Variants in ADARB2 observed in about 807,000 individuals in gnomAD.
The protein encoded by ADARB2 is inactive double-stranded RNA-specific editase B2.
ADARB2 carries 25 observed loss-of-function variants against 62.2 expected under a neutral mutation model. The observed-to-expected ratio is 0.40, with a 90% CI of 0.29 to 0.56. The LOEUF (loss-of-function observed/expected upper bound fraction) is 0.56, where lower values mean the gene tolerates loss of function less well. ADARB2 is among the 20% of genes least tolerant of loss of function. The pLI, the probability that ADARB2 is intolerant of heterozygous loss-of-function variation, is 0.43. For missense variants in ADARB2, 1,071 were observed against 1,077.4 expected (o/e 0.99, Z 0.08); for synonymous variants, 572 against 500.8 (o/e 1.14, Z -1.90).
Position 1,180,378 on chromosome 10 carries a change from GC to G in ADARB2, c.*2814del, listed in dbSNP as rs1484370825. ...GGGGCTGTGGGAATCCTGGGACTCG[GC>G]CCCCCCAAGCATAGCTGGGGCTGTG... On this transcript the variant is annotated 3_prime_UTR_variant, in exon 10 of 10. Coordinates refer to ENST00000381312, the MANE Select transcript of ADARB2 (RefSeq NM_018702.4). 2 of 151,692 alleles carry G rather than the reference GC, an allele frequency of 1.3e-5. No individual in the cohort carries two copies. The highest frequency in any genetic ancestry group is 2.4e-5 in the African/African-American group (1 of 41,230). The allele number at this position is 151,692 out of a possible 1,614,324, so 9.4% of individuals were successfully genotyped here.
At position 1,275,951 on chromosome 10, in the gene ADARB2, G is replaced by A. The variant is rs11250380; in HGVS notation, c.1078-4882C>T. ...TTCCAAGTCTTCGCTATTGTGAATA[G>A]TGCCGCAATAAACATACGTGTGCAT... On this transcript the variant is annotated intron_variant, in intron 3 of 9. Transcript: ENST00000381312. Among the ~76,000 whole-genome samples, 178 of 152,138 alleles carry A rather than the reference G, an allele frequency of 1.2e-3. 2 individuals are homozygous for A. The East Asian group carries it at 0.027, about 23-fold the overall frequency.
chr10:1,657,127 T>C (rs978159916), intron 1 of ADARB2, among the ~76,000 whole-genome samples: 2 of 152,084 alleles, frequency 1.3e-5, no homozygotes, highest in African/African-American at 2.4e-5. Flanking sequence ...ATAGAAAGCA[T>C]GCAGCCTTGT....
rs182650258 is a variant in ADARB2 at position 1,476,739 on chromosome 10, C to T, written c.101-97579G>A. On this transcript the variant is annotated intron_variant, in intron 1 of 9. Transcript: ENST00000381312. ...GGTGGATTTGCCAAGTGCCAGGCAC[C>T]GCCATGCATCCAGGGAGGCAGAGGC... Among the ~76,000 whole-genome samples, 201 of 152,286 alleles carry T rather than the reference C, an allele frequency of 1.3e-3. 2 individuals are homozygous for T. Among genetic ancestry groups the T allele is most frequent in the Middle Eastern group, 0.01 (3 of 294 alleles).
At chr10:1,579,089 C>T (rs1261144828) in intron 1 of ADARB2, among the ~76,000 whole-genome samples, 1 of 152,196 alleles carries the variant, frequency 6.6e-6, no homozygotes, top group African/African-American at 2.4e-5. Flanking sequence ...CCTCAGTTTA[C>T]CCTGCCTTCC....
At chr10:1,430,573 G>A (rs1025110847) in intron 1 of ADARB2, among the ~76,000 whole-genome samples, 2 of 152,096 alleles carry the variant, frequency 1.3e-5, no homozygotes, top group African/African-American at 4.8e-5. Context: ...TACTGTATAA[G>A]TAGTAATTAA....
chr10:1,241,741 G>A (rs79344096), intron 5 of ADARB2, among the ~76,000 whole-genome samples: 18 of 152,324 alleles, frequency 1.2e-4, no homozygotes, highest in Middle Eastern at 3.4e-3. Context: ...AGAAGACAGC[G>A]CGTCTCCAAG....
Position 1,268,853 on chromosome 10 carries a change from A to C in ADARB2, c.1192+2102T>G, listed in dbSNP as rs975410091. Reference sequence around the variant, plus strand: ...ATATAGATAAATTGCCTACACATAAAGCATTGTATTCACTGGCAACTTAGA... The same window carrying C: ...ATATAGATAAATTGCCTACACATAACGCATTGTATTCACTGGCAACTTAGA... On this transcript the variant is annotated intron_variant, in intron 4 of 9. Transcript: ENST00000381312. 2.5e-4 allele frequency among the ~76,000 whole-genome samples: 38 copies of C among 152,346 alleles called. 1 individual carries two copies. Among genetic ancestry groups the C allele is most frequent in the African/African-American group, 8.7e-4 (36 of 41,576 alleles).
chr10:1,427,396 C>T (rs1832901306), intron 1 of ADARB2, among the ~76,000 whole-genome samples: 1 of 152,148 alleles, frequency 6.6e-6, no homozygotes, highest in Non-Finnish European at 1.5e-5. Flanking sequence ...TCGGCAATAC[C>T]ATTAGAAACG....
At chr10:1,496,636 T>A (rs2131935430) in intron 1 of ADARB2, among the ~76,000 whole-genome samples, 1 of 152,152 alleles carries the variant, frequency 6.6e-6, no homozygotes, top group African/African-American at 2.4e-5. Context: ...ATCATCATCA[T>A]CATCGTATGG....
At chr10:1,400,675 C>G (rs1031805337) in intron 1 of ADARB2, among the ~76,000 whole-genome samples, 4 of 152,230 alleles carry the variant, frequency 2.6e-5, no homozygotes, top group African/African-American at 9.6e-5. Context: ...CAACGCAGTG[C>G]TCCATGGCAC....
chr10:1,263,592 A>T (rs1455906175), intron 4 of ADARB2, among the ~76,000 whole-genome samples: 1 of 152,262 alleles, frequency 6.6e-6, no homozygotes, highest in Non-Finnish European at 1.5e-5. Flanking sequence ...CAGAAAAGTG[A>T]AGAAGTGTTT....
At chr10:1,360,665 C>T (rs975186834) in intron 3 of ADARB2, among the ~76,000 whole-genome samples, 2 of 152,260 alleles carry the variant, frequency 1.3e-5, no homozygotes, top group African/African-American at 2.4e-5. Context: ...GGGAGCGGTA[C>T]GAGGGAGGGT....
chr10:1,219,896 A>G lies in ADARB2; in HGVS notation c.1514-2777T>C, dbSNP rs1379863523. Reference sequence around the variant, plus strand: ...TGGTGGTGATGATGGTGATGGTGATAATGATGGTAATGGTGGTGGCGATGA... The same window carrying G: ...TGGTGGTGATGATGGTGATGGTGATGATGATGGTAATGGTGGTGGCGATGA... On this transcript the variant is annotated intron_variant, in intron 6 of 9. Coordinates refer to ENST00000381312, the MANE Select transcript of ADARB2 (RefSeq NM_018702.4). 4.7e-3 allele frequency among the ~76,000 whole-genome samples: 355 copies of G among 75,960 alleles called. 2 individuals are homozygous for G. The highest frequency in any genetic ancestry group is 0.033 in the South Asian group (58 of 1,740). 49.8% of individuals were successfully genotyped at this position (75,960 alleles called of 152,430 possible).
intron 1 of ADARB2, among the ~76,000 whole-genome samples, chr10:1,482,079 C>T (rs1831480426): frequency 6.6e-6 from 1 of 152,172 alleles, no homozygotes; most frequent in African/African-American, 2.4e-5. Flanking sequence ...ATTACTAAAA[C>T]ACACCACAGG....
chr10:1,558,291 C>CTT, intron 1 of ADARB2, among the ~76,000 whole-genome samples: 1 of 138,188 alleles, frequency 7.2e-6, no homozygotes, highest in Non-Finnish European at 1.6e-5. Flanking sequence ...TCTGTCCCCC[C>CTT]TCCGTGGGTG....
chr10:1,395,184 A>AT (rs1427790825), intron 1 of ADARB2, among the ~76,000 whole-genome samples: 11 of 152,116 alleles, frequency 7.2e-5, no homozygotes, highest in African/African-American at 2.7e-4. Flanking sequence ...CCTGGCCAAG[A>AT]TTTTTTATTC....
intron 1 of ADARB2, among the ~76,000 whole-genome samples, chr10:1,510,016 CTTT>C (rs1831901682): frequency 1.3e-5 from 2 of 149,836 alleles, no homozygotes; most frequent in Non-Finnish European, 3.0e-5. Context: ...TTTCTTTCTT[CTTT>C]CTTTTTTCTC....
At chr10:1,233,034 AC>A (rs1173501802) in intron 6 of ADARB2, among the ~76,000 whole-genome samples, 5 of 152,066 alleles carry the variant, frequency 3.3e-5, no homozygotes, top group African/African-American at 9.7e-5. Flanking sequence ...TCCCTGAAGC[AC>A]CTTTTCTTTT....
chr10:1,490,508 G>C (rs978927507), intron 1 of ADARB2, among the ~76,000 whole-genome samples: 3 of 152,146 alleles, frequency 2.0e-5, no homozygotes, highest in African/African-American at 7.2e-5. Flanking sequence ...AGGCTGGAGT[G>C]CAGTGAGACA....
Sources: allele counts gnomAD v4.1 joint callset (sites outside exome capture counted in the v4.1 genomes callset), GRCh38; gene constraint gnomAD v4.1.1; transcripts MANE v1.5; gene names NCBI Gene and HGNC (gene_info 2026-07-23, HGNC 2026-07-21).